NXN: variants seen among roughly 807,000 people sequenced by gnomAD.
NXN encodes nucleoredoxin, also known as nucleoredoxin 1.
A neutral mutation model predicts 48.6 loss-of-function variants in NXN; 16 were observed. The observed-to-expected ratio is 0.33, with a 90% CI of 0.22 to 0.50. The LOEUF (loss-of-function observed/expected upper bound fraction) is 0.50, where lower values mean the gene tolerates loss of function less well. Ranked by LOEUF, NXN falls within the 20% of genes least tolerant of loss-of-function variation. The pLI is 0.98. For missense variants in NXN, 492 were observed against 605.5 expected, an observed-to-expected ratio of 0.81 and a Z score of 1.97; for synonymous variants, 281 against 269.6, an observed-to-expected ratio of 1.04 and a Z score of -0.41.
At chr17:823,420 A>G (rs1027809404) in intron 3 of NXN, among the ~76,000 whole-genome samples, 1 of 151,278 alleles carries the variant, frequency 6.6e-6, no homozygotes, top group African/African-American at 2.4e-5. Flanking sequence ...AAAGAGGGCT[A>G]TCGTTATAGA....
chr17:895,993 G>C (rs2068480322), intron 1 of NXN, among the ~76,000 whole-genome samples: 1 of 151,784 alleles, frequency 6.6e-6, no homozygotes, highest in Non-Finnish European at 1.5e-5. Flanking sequence ...AGGATTGTTT[G>C]AGGCCAAGAG....
chr17:907,732 G>A (rs1020378087), intron 1 of NXN: 17 of 78,670 alleles, frequency 2.2e-4, no homozygotes, highest in East Asian at 3.8e-4. Flanking sequence ...TTCAGATGTC[G>A]GATCTGTAGG....
chr17:896,579 A>T (rs1204879970), intron 1 of NXN, among the ~76,000 whole-genome samples: 1 of 152,238 alleles, frequency 6.6e-6, no homozygotes, highest in Non-Finnish European at 1.5e-5. Context: ...ACACCGTATA[A>T]ACTTACCAGA....
intron 1 of NXN, among the ~76,000 whole-genome samples, chr17:860,970 G>A (rs1567837814): frequency 6.6e-6 from 1 of 152,204 alleles, no homozygotes; most frequent in Non-Finnish European, 1.5e-5. Context: ...TAGGATCACT[G>A]CTGGCCATGA....
At chr17:910,394 AGAGT>A (rs1355339093) in intron 1 of NXN, among the ~76,000 whole-genome samples, 3 of 151,764 alleles carry the variant, frequency 2.0e-5, no homozygotes, top group Admixed American at 2.0e-4. Context: ...CCTGGGTGAC[AGAGT>A]GAGACTCCAT....
At chr17:906,527 A>T (rs1329675291) in intron 1 of NXN, among the ~76,000 whole-genome samples, 1 of 151,196 alleles carries the variant, frequency 6.6e-6, no homozygotes, top group African/African-American at 2.4e-5. Flanking sequence ...AGGCTCATGT[A>T]TTATAATGCA....
intron 1 of NXN, among the ~76,000 whole-genome samples, chr17:875,312 G>T (rs373693964): frequency 6.6e-6 from 1 of 151,778 alleles, no homozygotes; most frequent in Non-Finnish European, 1.5e-5. Flanking sequence ...GATTACAGGC[G>T]TCAGCCACCA....
chr17:805,665 C>A (rs62069994), intron 5 of NXN, among the ~76,000 whole-genome samples: 26,882 of 151,828 alleles, frequency 0.18, 2,624 homozygotes, highest in East Asian at 0.42. Flanking sequence ...GGTGAAACCC[C>A]CGTCTCTACT....
At chr17:955,579 G>A (rs868569192) in intron 1 of NXN, among the ~76,000 whole-genome samples, 5 of 143,668 alleles carry the variant, frequency 3.5e-5, no homozygotes, top group East Asian at 2.2e-4. Context: ...CCAGCCAGAC[G>A]CGGTGGCTCA....
intron 5 of NXN, among the ~76,000 whole-genome samples, chr17:806,005 T>C (rs1911476039): frequency 1.3e-5 from 2 of 152,024 alleles, no homozygotes; most frequent in Admixed American, 1.3e-4. Flanking sequence ...TGGCCACCGA[T>C]GCAAGACGGG....
chr17:874,078 G>A (rs751385300), intron 1 of NXN, among the ~76,000 whole-genome samples: 39 of 152,288 alleles, frequency 2.6e-4, no homozygotes, highest in Middle Eastern at 3.4e-3. Context: ...TGAATCATGG[G>A]AGCAGTAACC....
At chr17:915,515 G>A (rs1043201506) in intron 1 of NXN, among the ~76,000 whole-genome samples, 8 of 151,738 alleles carry the variant, frequency 5.3e-5, no homozygotes, top group Admixed American at 4.6e-4. Flanking sequence ...AAACTCTTGG[G>A]CTCAGGCAAT....
rs1340681625 is a variant in NXN at position 830,209 on chromosome 17, T to C, written c.361-4131A>G. On this transcript the variant is annotated intron_variant, in intron 1 of 7. Transcript: ENST00000336868. The surrounding 1 kb of genome is among the most constrained non-coding windows in gnomAD (Gnocchi z 4.2). ...AGAGCTGAAAGTGATTCAGCAGATA[T>C]TAAGTGAGCGCCCACTGTGTGCCAG... Among the ~76,000 whole-genome samples, 1 of 152,184 alleles carries C rather than the reference T, an allele frequency of 6.6e-6. No individual in the cohort carries two copies. The highest frequency in any genetic ancestry group is 1.5e-5 in the Non-Finnish European group (1 of 68,036).
At chr17:925,094 G>A (rs1192506940) in intron 1 of NXN, among the ~76,000 whole-genome samples, 9 of 152,234 alleles carry the variant, frequency 5.9e-5, no homozygotes, top group Non-Finnish European at 1.5e-5. Context: ...AAAGCTGATT[G>A]TCTCAGGTTT....
intron 1 of NXN, among the ~76,000 whole-genome samples, chr17:892,360 G>C (rs997223017): frequency 3.9e-5 from 6 of 152,222 alleles, no homozygotes; most frequent in African/African-American, 1.2e-4. Flanking sequence ...TTAAGACGGT[G>C]ACAGTTACAG....
intron 1 of NXN, among the ~76,000 whole-genome samples, chr17:954,362 C>G (rs2069144013): frequency 6.6e-6 from 1 of 152,138 alleles, no homozygotes; most frequent in South Asian, 2.1e-4. Flanking sequence ...GCCTTGGTGA[C>G]AGAGCAAGAC....
chr17:833,553 T>A (rs1252317287), intron 1 of NXN, among the ~76,000 whole-genome samples: 1 of 152,146 alleles, frequency 6.6e-6, no homozygotes, highest in Non-Finnish European at 1.5e-5. Flanking sequence ...AAACAGCGGT[T>A]TCATAGTCAT....
intron 1 of NXN, among the ~76,000 whole-genome samples, chr17:841,688 G>GACCACGGC (rs1567828232): frequency 1.8e-5 from 2 of 113,564 alleles, no homozygotes; most frequent in East Asian, 2.4e-4. Context: ...CCCTGACCAT[G>GACCACGGC]GCACATCTCA....
intron 1 of NXN, among the ~76,000 whole-genome samples, chr17:907,409 A>G (rs2132513): frequency 1.3e-5 from 2 of 150,914 alleles, no homozygotes; most frequent in African/African-American, 2.4e-5. Context: ...GAGTGATCTC[A>G]GCTCACTGCA....
Sources: gnomAD v4.1 joint callset for allele counts (sites outside exome capture counted in the v4.1 genomes callset) on GRCh38, gnomAD v4.1.1 for gene constraint, Gnocchi (gnomAD v3.1) non-coding constraint, MANE v1.5 for transcripts, NCBI Gene and HGNC (gene_info 2026-07-23, HGNC 2026-07-21) for gene names.